Variants in VEPH1 observed in about 807,000 individuals in gnomAD.
The protein encoded by VEPH1 is ventricular zone-expressed PH domain-containing protein homolog 1.
A neutral mutation model predicts 85.2 loss-of-function variants in VEPH1; 80 were observed. The observed-to-expected ratio is 0.94, with a 90% confidence interval of 0.78 to 1.13. VEPH1 has a LOEUF of 1.13. VEPH1 is among the 50% of genes most tolerant of loss of function. VEPH1 has a pLI of 0.00. For missense variants in VEPH1, 955 were observed against 980.5 expected (o/e 0.97, Z 0.35); for synonymous variants, 297 against 348.0 (o/e 0.85, Z 1.63).
At chr3:157,355,849 G>C (rs1399167360) in intron 9 of VEPH1, among the ~76,000 whole-genome samples, 1 of 151,340 alleles carries the variant, frequency 6.6e-6, no homozygotes, top group East Asian at 1.9e-4. Flanking sequence ...TCTGAAAAAT[G>C]ATGATTTTCT....
intron 10 of VEPH1, among the ~76,000 whole-genome samples, chr3:157,315,325 C>A (rs993129077): frequency 1.3e-5 from 2 of 151,858 alleles, no homozygotes; most frequent in Non-Finnish European, 2.9e-5. Context: ...AGTTTAAGAG[C>A]CAGCAATAGA....
intron 12 of VEPH1, chr3:157,285,256 GC>G (rs1716625111): frequency 6.6e-6 from 1 of 152,134 alleles, no homozygotes; most frequent in African/African-American, 2.4e-5. Context: ...TCTGGCGTTG[GC>G]TCAATCCAGA....
intron 9 of VEPH1, among the ~76,000 whole-genome samples, chr3:157,349,569 C>T (rs1387112964): frequency 2.0e-5 from 3 of 151,778 alleles, no homozygotes; most frequent in Non-Finnish European, 4.4e-5. Flanking sequence ...AGGGTATCCA[C>T]ATTGGAAAGG....
intron 3 of VEPH1, among the ~76,000 whole-genome samples, chr3:157,467,113 G>GTGTATGTGTGTA (rs1553793131): frequency 1.0e-4 from 12 of 117,438 alleles, no homozygotes; most frequent in Non-Finnish European, 1.6e-4. Flanking sequence ...AAAGAAAAGT[G>GTGTATGTGTGTA]TGTGTGTGTG....
At chr3:157,265,498 A>G (rs779721894) in intron 13 of VEPH1, 28 bp downstream of exon 13, 2 of 1,602,254 alleles carry the variant, frequency 1.2e-6, no homozygotes, top group African/African-American at 1.3e-5. Context: ...TTAAAAATGC[A>G]AGTGTAAAAG....
chr3:157,409,227 C>T lies in VEPH1; in HGVS notation c.906+4654G>A, dbSNP rs548784179. 4.6e-5 allele frequency among the ~76,000 whole-genome samples: 7 copies of T among 152,218 alleles called. No individual in the cohort carries two copies. In the South Asian group the frequency reaches 1.5e-3, roughly 32 times the overall value. ...CTTGTCTGAAAGGTTTCCACTGCAA[C>T]CTTCTCATTTGAGAAAGACAAAATG... On this transcript the variant is annotated intron_variant, in intron 6 of 13. Coordinates refer to ENST00000362010, the MANE Select transcript of VEPH1 (RefSeq NM_001167912.2).
chr3:157,281,710 G>T (rs1051098049), intron 12 of VEPH1, among the ~76,000 whole-genome samples: 4 of 151,954 alleles, frequency 2.6e-5, no homozygotes, highest in Admixed American at 2.0e-4. Flanking sequence ...GCTAATTTTT[G>T]TATTTTTAGT....
intron 4 of VEPH1, among the ~76,000 whole-genome samples, chr3:157,449,079 T>C (rs1046762593): frequency 6.6e-6 from 1 of 152,172 alleles, no homozygotes; most frequent in African/African-American, 2.4e-5. Context: ...GAACTGTGAG[T>C]CCAATAAACA....
chr3:157,306,992 G>C (rs1264486013), intron 11 of VEPH1, among the ~76,000 whole-genome samples: 1 of 151,928 alleles, frequency 6.6e-6, no homozygotes, highest in South Asian at 2.1e-4. Context: ...ATGGCCTCCT[G>C]CTCCAGCCAA....
At chr3:157,396,703 C>CT (rs1230925180) in intron 6 of VEPH1, among the ~76,000 whole-genome samples, 2 of 152,048 alleles carry the variant, frequency 1.3e-5, no homozygotes, top group Admixed American at 1.3e-4. Flanking sequence ...TGATGTTGAG[C>CT]TTTTTTTCGT....
intron 6 of VEPH1, among the ~76,000 whole-genome samples, chr3:157,405,161 T>C (rs1034876354): frequency 1.3e-5 from 2 of 152,160 alleles, no homozygotes; most frequent in African/African-American, 4.8e-5. Flanking sequence ...ACTCCTTCTA[T>C]GTGCAGCCAT....
At chr3:157,335,627 A>G (rs1416292673) in intron 9 of VEPH1, among the ~76,000 whole-genome samples, 3 of 152,172 alleles carry the variant, frequency 2.0e-5, no homozygotes, top group African/African-American at 7.2e-5. Context: ...AGCATATAGG[A>G]TCTGAATATA....
chr3:157,348,015 G>C (rs1040910128), intron 9 of VEPH1, among the ~76,000 whole-genome samples: 1 of 152,194 alleles, frequency 6.6e-6, no homozygotes. Flanking sequence ...CCACACTGGG[G>C]GTCCATCTTC....
chr3:157,445,154 T>C (rs769242493), intron 4 of VEPH1, among the ~76,000 whole-genome samples: 1 of 152,180 alleles, frequency 6.6e-6, no homozygotes, highest in Non-Finnish European at 1.5e-5. Flanking sequence ...GGAGACCCCA[T>C]GCAACAATAC....
At chr3:157,454,671 T>C (rs1735222649) in intron 4 of VEPH1, among the ~76,000 whole-genome samples, 1 of 152,108 alleles carries the variant, frequency 6.6e-6, no homozygotes. Flanking sequence ...TATTGCATGA[T>C]GCTGAGGTTT....
At chr3:157,375,289 G>T (rs1346378810) in intron 7 of VEPH1, among the ~76,000 whole-genome samples, 3 of 152,188 alleles carry the variant, frequency 2.0e-5, no homozygotes, top group African/African-American at 7.2e-5. Context: ...TGCAGTTTGT[G>T]TTGTGGACTC....
At chr3:157,322,460 C>A (rs1388020574) in intron 9 of VEPH1, among the ~76,000 whole-genome samples, 1 of 152,092 alleles carries the variant, frequency 6.6e-6, no homozygotes, top group African/African-American at 2.4e-5. Flanking sequence ...GATTTAAATT[C>A]TTTTTGGTAT....
At chr3:157,464,058 C>T (rs1378976092) in intron 3 of VEPH1, among the ~76,000 whole-genome samples, 2 of 152,198 alleles carry the variant, frequency 1.3e-5, no homozygotes, top group Non-Finnish European at 2.9e-5. Context: ...TGTTAACATA[C>T]TGATCAAACA....
At chr3:157,458,154 G>C (rs1735535291) in intron 4 of VEPH1, among the ~76,000 whole-genome samples, 2 of 152,142 alleles carry the variant, frequency 1.3e-5, no homozygotes, top group Admixed American at 6.5e-5. Context: ...GTGTATAGAG[G>C]TGTTCATAAT....
Sources: gnomAD v4.1 joint callset for allele counts (sites outside exome capture counted in the v4.1 genomes callset) on GRCh38, gnomAD v4.1.1 for gene constraint, MANE v1.5 for transcripts, NCBI Gene and HGNC (gene_info 2026-07-23, HGNC 2026-07-21) for gene names.